The following RFLNA variants were observed in gnomAD, a reference collection of about 807,000 sequenced individuals.
RFLNA encodes refilin-A.
In RFLNA, 5 loss-of-function variants were observed where a neutral mutation model predicts 7.8. The ratio of observed to expected loss-of-function variants is 0.64; its 90% CI spans 0.34 to 1.35. RFLNA has a LOEUF of 1.35. RFLNA is among the 40% of genes most tolerant of loss of function. The probability of loss-of-function intolerance (pLI) is 0.04; values close to 1 mark genes in which losing one functional copy is unlikely to be tolerated. For synonymous variants in RFLNA, 141 were observed against 131.3 expected (o/e 1.07, Z -0.50); for missense variants, 278 against 305.5 (o/e 0.91, Z 0.67).
chr12:124,299,260 C>T (rs12369398), intron 1 of RFLNA, among the ~76,000 whole-genome samples: 116,284 of 152,294 alleles, frequency 0.76, 46,708 homozygotes, highest in Non-Finnish European at 0.9. Context: ...CTGTCTCCTG[C>T]ATGGCCCAGG....
In RFLNA at chr12:124,312,860, C is replaced by T. The variant is rs896652670; in HGVS notation, c.317+933C>T. Among the ~76,000 whole-genome samples, 4 of 152,174 alleles carry T rather than the reference C, an allele frequency of 2.6e-5. No individual in the cohort carries two copies. The East Asian group carries it at 7.7e-4, about 29-fold the overall frequency. ...TTAAGGCACCCCTGCTTGGGAACAT[C>T]CCACATCGATTTGCCCTCCTCTGAA... On this transcript the variant is annotated intron_variant, in intron 2 of 2. Coordinates refer to ENST00000546355, the MANE Select transcript of RFLNA (RefSeq NM_001365156.1).
intron 1 of RFLNA, among the ~76,000 whole-genome samples, chr12:124,304,725 TCTCC>T (rs2034107984): frequency 6.6e-6 from 1 of 152,222 alleles, no homozygotes; most frequent in African/African-American, 2.4e-5. Context: ...GCTGCCTCTC[TCTCC>T]CTCCAGCCCT....
At chr12:124,309,493 C>A (rs562584724) in intron 1 of RFLNA, among the ~76,000 whole-genome samples, 2 of 152,362 alleles carry the variant, frequency 1.3e-5, no homozygotes, top group East Asian at 3.9e-4. Flanking sequence ...TCTGCTGTGG[C>A]CGCGAGCATC....
chr12:124,311,951 G>A (rs772856967), intron 2 of RFLNA, 24 bp downstream of exon 2: 78 of 1,545,236 alleles, frequency 5.0e-5, no homozygotes, highest in Non-Finnish European at 6.1e-5. Flanking sequence ...TGGGCTCTGC[G>A]CGGGAGGAGG....
intron 2 of RFLNA, among the ~76,000 whole-genome samples, chr12:124,313,404 C>T (rs117623401): frequency 0.03 from 4,581 of 152,246 alleles, 126 homozygotes; most frequent in South Asian, 0.13. Context: ...TGCGGCTGGG[C>T]GTGGTGGCTC....
At chr12:124,301,934 A>C (rs549703666) in intron 1 of RFLNA, among the ~76,000 whole-genome samples, 1 of 152,296 alleles carries the variant, frequency 6.6e-6, no homozygotes, top group Admixed American at 6.5e-5. Flanking sequence ...GAGGCCAAGA[A>C]GTCTGAAATC....
chr12:124,304,081 C>T (rs1355465301), intron 1 of RFLNA, among the ~76,000 whole-genome samples: 1 of 152,244 alleles, frequency 6.6e-6, no homozygotes, highest in Admixed American at 6.5e-5. Context: ...TTCTTGGCCG[C>T]GAGAGGCACT....
intron 1 of RFLNA, among the ~76,000 whole-genome samples, chr12:124,297,968 T>C (rs923475681): frequency 6.6e-6 from 1 of 152,216 alleles, no homozygotes; most frequent in Non-Finnish European, 1.5e-5. Context: ...CCATACTGTC[T>C]CAGGACAAAG....
Position 124,315,078 on chromosome 12 carries a change from T to G in RFLNA, c.*553T>G. 1.0e-5 allele frequency: 2 copies of G among 196,222 alleles called. No homozygotes were observed. Among genetic ancestry groups the G allele is most frequent in the Non-Finnish European group, 2.1e-5 (2 of 94,852 alleles). 12.2% of individuals were successfully genotyped at this position (196,222 alleles called of 1,614,324 possible). On this transcript the variant is annotated 3_prime_UTR_variant, in exon 3 of 3. Transcript: ENST00000546355. ...GGTTGCACCGAGAGGTCTGGAGCTG[T>G]GGCTGAGCCACCTCTGGCGGATGTT... is the stretch of plus-strand genomic sequence containing the variant.
chr12:124,311,676 C>T lies in RFLNA; in HGVS notation c.208-142C>T, dbSNP rs550069869. ...GGGCTTCCTGATGGGCCCCACAAAG[C>T]GGCTTCCTGATGGGCCCCACCAAGC... On this transcript the variant is annotated intron_variant, in intron 1 of 2. Coordinates refer to ENST00000546355, the MANE Select transcript of RFLNA (RefSeq NM_001365156.1). 99 of 717,732 alleles carry T rather than the reference C, an allele frequency of 1.4e-4. No homozygotes were observed. In the South Asian group the frequency reaches 2.1e-3, roughly 15 times the overall value. The allele number at this position is 717,732 out of a possible 1,614,324, so 44.5% of individuals were successfully genotyped here.
At position 124,314,141 on chromosome 12, in the gene RFLNA, C is replaced by G. The variant is rs765893793; in HGVS notation, c.318-51C>G. 124 of 1,564,012 alleles carry G rather than the reference C, an allele frequency of 7.9e-5. 1 individual carries two copies. In the South Asian group the frequency reaches 1.5e-3, roughly 19 times the overall value. On this transcript the variant is annotated intron_variant, in intron 2 of 2. Transcript: ENST00000546355. ...CGTGTCCATGCTGAGGGCAGGGAAT[C>G]GGGCTGCCCCCAATCCTGGGTTCAC...
intron 2 of RFLNA, among the ~76,000 whole-genome samples, chr12:124,312,922 G>A (rs2034279064): frequency 6.6e-6 from 1 of 152,108 alleles, no homozygotes; most frequent in Non-Finnish European, 1.5e-5. Flanking sequence ...ATGGAGTGTG[G>A]GATCCGTGAG....
In RFLNA at chr12:124,295,416, C is replaced by G; in HGVS notation, c.-14C>G. The G allele has an allele frequency of 1.6e-6, 2 of 1,226,436 alleles. No homozygotes were observed. The highest frequency in any genetic ancestry group is 2.0e-6 in the Non-Finnish European group (2 of 983,628). 76.0% of individuals were successfully genotyped at this position (1,226,436 alleles called of 1,614,324 possible). A position where few individuals can be genotyped will look rare whatever the true frequency, so the allele number is the denominator to read the frequency against. On this transcript the variant is annotated 5_prime_UTR_variant, in exon 1 of 3. Transcript: ENST00000546355. The stretch of plus-strand genomic sequence containing the variant: ...CCGGAGGAGCGGGGGGCCCGCGCCC[C>G]GCGCCCCCCAGACATGGTGGGCCAC...
upstream of RFLNA, chr12:124,295,090 T>G (rs1396016941): frequency 6.7e-6 from 1 of 149,576 alleles, no homozygotes; most frequent in African/African-American, 2.5e-5. Context: ...GCCGGGGAGG[T>G]GCGGAGAGGG....
chr12:124,303,306 C>A (rs965286819), intron 1 of RFLNA, among the ~76,000 whole-genome samples: 2 of 152,164 alleles, frequency 1.3e-5, no homozygotes, highest in African/African-American at 2.4e-5. Flanking sequence ...TTCCAGCCAG[C>A]GAGTGTTCAT....
chr12:124,311,672 AAAGCGGCTTCCTGATGGGCCCCACC>A (rs2034245649), intron 1 of RFLNA, 121 bp from the exon 2 acceptor site: 4 of 696,348 alleles, frequency 5.7e-6, no homozygotes, highest in African/African-American at 5.7e-5. Context: ...TGGGCCCCAC[AAAGCGGCTTCCTGATGGGCCCCACC>A]AAGCAGCTTC....
chr12:124,314,977 G>A lies in RFLNA; in HGVS notation c.*452G>A. On this transcript the variant is annotated 3_prime_UTR_variant, in exon 3 of 3. Coordinates refer to ENST00000546355, the MANE Select transcript of RFLNA (RefSeq NM_001365156.1). ...CCTAGGCTGGTGGCCAAGGCCATGTGTGAGGGAAGAGGGGTACCTCTCTTC... is the reference window on the plus strand; with the variant it reads ...CCTAGGCTGGTGGCCAAGGCCATGTATGAGGGAAGAGGGGTACCTCTCTTC... 3.2e-6 allele frequency: 1 copy of A among 311,650 alleles called. No homozygotes were observed. The allele number at this position is 311,650 out of a possible 1,614,324, so 19.3% of individuals were successfully genotyped here. A position where few individuals can be genotyped will look rare whatever the true frequency, so the allele number is the denominator to read the frequency against.
chr12:124,292,712 C>T (rs1187053502), upstream of RFLNA, among the ~76,000 whole-genome samples: 2 of 152,174 alleles, frequency 1.3e-5, no homozygotes, highest in African/African-American at 4.8e-5. Flanking sequence ...TCAGGGGAAA[C>T]TTCCAGAACC....
intron 1 of RFLNA, chr12:124,311,581 G>C (rs1413453195): frequency 4.8e-6 from 2 of 414,036 alleles, no homozygotes; most frequent in Non-Finnish European, 8.5e-6. Context: ...CTGGGAGCTG[G>C]AGGACAGGCT....
Sources: gnomAD v4.1 joint callset for allele counts (sites outside exome capture counted in the v4.1 genomes callset) on GRCh38, gnomAD v4.1.1 for gene constraint, MANE v1.5 for transcripts, NCBI Gene and HGNC (gene_info 2026-07-23, HGNC 2026-07-21) for gene names.